CD1B: variants seen among roughly 807,000 people sequenced by gnomAD.
CD1B encodes the protein CD1b molecule, also known as T-cell surface glycoprotein CD1b.
Under a neutral mutation model 39.8 loss-of-function variants are expected in CD1B, and 43 were observed. The observed-to-expected ratio is 1.08, with a 90% CI of 0.85 to 1.39. The LOEUF (loss-of-function observed/expected upper bound fraction) is 1.39. Among genes scored for constraint, CD1B ranks in the 40% most tolerant of loss-of-function variants. The probability of loss-of-function intolerance (pLI) is 0.00; values close to 1 mark genes in which losing one functional copy is unlikely to be tolerated. For missense variants in CD1B, 495 were observed against 403.8 expected (o/e 1.23, Z -1.94); for synonymous variants, 192 against 152.5 (o/e 1.26, Z -1.91).
chr1:158,321,089 C>G, the CD1B span, among the ~76,000 whole-genome samples: 1 of 152,286 alleles, frequency 6.6e-6, no homozygotes, highest in Non-Finnish European at 1.5e-5. Context: ...CTGTTTATCA[C>G]TGAAGATAAG....
chr1:158,309,750 A>C, the CD1B span, among the ~76,000 whole-genome samples: 3 of 142,480 alleles, frequency 2.1e-5, no homozygotes, highest in African/African-American at 7.7e-5. Context: ...AAAACACTGC[A>C]TGTTCTCACT....
At chr1:158,316,269 T>C in the CD1B span, among the ~76,000 whole-genome samples, 1 of 152,058 alleles carries the variant, frequency 6.6e-6, no homozygotes, top group East Asian at 1.9e-4. Context: ...TTTCATGATA[T>C]TGATTCTTCC....
downstream of CD1B, among the ~76,000 whole-genome samples, chr1:158,327,074 G>C (rs554198608): frequency 1.6e-3 from 239 of 152,328 alleles, no homozygotes; most frequent in Middle Eastern, 0.01. Flanking sequence ...TGGGATTACA[G>C]GCGTGAGCCA....
the CD1B span, among the ~76,000 whole-genome samples, chr1:158,300,209 G>T: frequency 6.6e-6 from 1 of 152,148 alleles, no homozygotes; most frequent in African/African-American, 2.4e-5. Flanking sequence ...TGGTTTCCTA[G>T]AGCATCTTTA....
the CD1B span, among the ~76,000 whole-genome samples, chr1:158,306,647 G>T: frequency 8.2e-4 from 124 of 152,108 alleles, no homozygotes; most frequent in African/African-American, 2.9e-3. Context: ...GCACCACACC[G>T]CACTTATTCC....
the CD1B span, among the ~76,000 whole-genome samples, chr1:158,285,606 G>A: frequency 3.9e-5 from 6 of 152,300 alleles, no homozygotes; most frequent in East Asian, 1.2e-3. Context: ...TGTATAAACA[G>A]AAATGAACAG....
chr1:158,304,650 T>A, the CD1B span, among the ~76,000 whole-genome samples: 1 of 152,116 alleles, frequency 6.6e-6, no homozygotes, highest in Non-Finnish European at 1.5e-5. Context: ...CTCAAGTGGG[T>A]CACTGATGCC....
the CD1B span, among the ~76,000 whole-genome samples, chr1:158,309,984 T>A: frequency 3.1e-5 from 4 of 128,470 alleles, no homozygotes; most frequent in African/African-American, 5.2e-5. Flanking sequence ...CGTATAATAA[T>A]AAAAAAAAAA....
At chr1:158,316,283 CCATGAG>C in the CD1B span, among the ~76,000 whole-genome samples, 5 of 151,932 alleles carry the variant, frequency 3.3e-5, no homozygotes, top group Non-Finnish European at 7.4e-5. Flanking sequence ...TTCTTCCTAC[CCATGAG>C]CATGGAATGT....
the CD1B span, among the ~76,000 whole-genome samples, chr1:158,290,919 A>T: frequency 1.3e-5 from 2 of 152,110 alleles, no homozygotes; most frequent in Non-Finnish European, 2.9e-5. Flanking sequence ...AAGAAGCCAG[A>T]ATGGTTGCCA....
At chr1:158,315,758 C>T in the CD1B span, among the ~76,000 whole-genome samples, 1 of 151,998 alleles carries the variant, frequency 6.6e-6, no homozygotes, top group Non-Finnish European at 1.5e-5. Flanking sequence ...ATGGTATTGC[C>T]TAGGTTTTCT....
the CD1B span, among the ~76,000 whole-genome samples, chr1:158,300,727 T>C: frequency 6.6e-6 from 1 of 151,988 alleles, no homozygotes; most frequent in Non-Finnish European, 1.5e-5. Context: ...TCCTTTACCA[T>C]TATGTAATGG....
At chr1:158,292,915 G>C in the CD1B span, 99 of 1,602,740 alleles carry the variant, frequency 6.2e-5, no homozygotes, top group African/African-American at 1.2e-3. Context: ...TGGTTCTTGA[G>C]CCTAGAGGTT....
At chr1:158,288,385 T>C in the CD1B span, among the ~76,000 whole-genome samples, 1 of 152,172 alleles carries the variant, frequency 6.6e-6, no homozygotes, top group Non-Finnish European at 1.5e-5. Context: ...ACAGAAACAA[T>C]GTTACAAATG....
chr1:158,319,997 C>T, the CD1B span, among the ~76,000 whole-genome samples: 2 of 152,194 alleles, frequency 1.3e-5, no homozygotes, highest in Non-Finnish European at 2.9e-5. Context: ...CAGGGACCCG[C>T]TTGAGGAGGC....
chr1:158,295,560 G>C, the CD1B span, among the ~76,000 whole-genome samples: 1 of 152,278 alleles, frequency 6.6e-6, no homozygotes, highest in East Asian at 1.9e-4. Context: ...AGCATGGTTA[G>C]GGATGTCCAT....
chr1:158,329,785 C>G, intron 3 of CD1B, 67 bp downstream of exon 3: 6 of 1,568,346 alleles, frequency 3.8e-6, no homozygotes, highest in Non-Finnish European at 5.2e-6. Context: ...AAGCTCCTAT[C>G]CTTTGATATC....
At chr1:158,292,282 C>G in the CD1B span, 1 of 1,614,178 alleles carries the variant, frequency 6.2e-7, no homozygotes, top group Middle Eastern at 1.6e-4. Flanking sequence ...GTCACAGAAA[C>G]AGTGTATAAT....
chr1:158,322,834 G>A, the CD1B span, among the ~76,000 whole-genome samples: 1 of 151,930 alleles, frequency 6.6e-6, no homozygotes, highest in Admixed American at 6.6e-5. Flanking sequence ...ACACTTTTTG[G>A]CCTGCAAGGT....
Sources: gnomAD v4.1 joint callset for allele counts (sites outside exome capture counted in the v4.1 genomes callset) on GRCh38, gnomAD v4.1.1 for gene constraint, MANE v1.5 for transcripts, NCBI Gene and HGNC (gene_info 2026-07-23, HGNC 2026-07-21) for gene names.